Variants in SNTG1 observed in about 807,000 individuals in gnomAD.
SNTG1 encodes syntrophin gamma 1, also known as gamma-1-syntrophin.
In SNTG1, 39 loss-of-function variants were observed where a neutral mutation model predicts 74.7. The ratio of observed to expected loss-of-function variants is 0.52; its 90% CI spans 0.40 to 0.68. The LOEUF is 0.68. Among genes scored for constraint, SNTG1 ranks in the 30% least tolerant of loss-of-function variants. The pLI, the probability that SNTG1 is intolerant of heterozygous loss-of-function variation, is 0.00. For synonymous variants in SNTG1, 254 were observed against 217.1 expected (o/e 1.17, Z -1.49); for missense variants, 685 against 609.5 (o/e 1.12, Z -1.30).
intron 1 of SNTG1, among the ~76,000 whole-genome samples, chr8:50,077,666 T>A (rs1423071748): frequency 3.3e-5 from 5 of 152,284 alleles, no homozygotes. Context: ...TCATCAACCA[T>A]CATTAGAACT....
chr8:50,740,828 T>A (rs970280703), intron 17 of SNTG1, among the ~76,000 whole-genome samples: 1 of 151,976 alleles, frequency 6.6e-6, no homozygotes, highest in Admixed American at 6.6e-5. Flanking sequence ...AATGAGATCA[T>A]TTACATTGCA....
intron 8 of SNTG1, among the ~76,000 whole-genome samples, chr8:50,482,389 C>G (rs1478898041): frequency 6.6e-6 from 1 of 152,146 alleles, no homozygotes; most frequent in Non-Finnish European, 1.5e-5. Context: ...TCCCCGTCCC[C>G]GCCTACTTAC....
intron 8 of SNTG1, among the ~76,000 whole-genome samples, chr8:50,500,886 G>A (rs1186474786): frequency 6.6e-6 from 1 of 152,144 alleles, no homozygotes; most frequent in Non-Finnish European, 1.5e-5. Context: ...GAGGAGGTAG[G>A]ATAATGGGGA....
At chr8:50,598,034 C>T (rs577745627) in intron 13 of SNTG1, among the ~76,000 whole-genome samples, 19 of 150,648 alleles carry the variant, frequency 1.3e-4, no homozygotes, top group South Asian at 2.1e-4. Flanking sequence ...TTTGTTTGTT[C>T]GTTTGTTTGT....
chr8:50,689,093 T>A (rs1487914223), intron 15 of SNTG1, among the ~76,000 whole-genome samples: 2 of 145,130 alleles, frequency 1.4e-5, no homozygotes, highest in East Asian at 4.2e-4. Context: ...TTTGTGAACA[T>A]TGATTTTGTA....
intron 1 of SNTG1, among the ~76,000 whole-genome samples, chr8:50,024,762 G>A (rs989125868): frequency 1.3e-5 from 2 of 152,022 alleles, no homozygotes; most frequent in African/African-American, 2.4e-5. Flanking sequence ...TTATTGTACC[G>A]TACTCACCCT....
At position 50,536,918 on chromosome 8, in the gene SNTG1, A is replaced by G. The variant is rs2094312477; in HGVS notation, c.680+110A>G. On this transcript the variant is annotated intron_variant, in intron 11 of 18. Coordinates refer to ENST00000642720, the MANE Select transcript of SNTG1 (RefSeq NM_018967.5). Reference sequence around the variant, plus strand: ...CTTATGATTTTAGTATGTTTTTGATAGTAGAAAGAAGAGCTTCAAAATAAT... The same window carrying G: ...CTTATGATTTTAGTATGTTTTTGATGGTAGAAAGAAGAGCTTCAAAATAAT... 1.6e-5 allele frequency: 20 copies of G among 1,282,838 alleles called. No individual in the cohort carries two copies. The South Asian group carries it at 2.9e-4, about 19-fold the overall frequency. 79.5% of individuals were successfully genotyped at this position (1,282,838 alleles called of 1,614,324 possible).
At chr8:50,280,223 C>G (rs893207369) in intron 2 of SNTG1, among the ~76,000 whole-genome samples, 3 of 152,132 alleles carry the variant, frequency 2.0e-5, no homozygotes, top group African/African-American at 7.2e-5. Context: ...GGTGGATTAT[C>G]TCATAATTTG....
chr8:50,679,793 T>C (rs539870609), intron 15 of SNTG1, among the ~76,000 whole-genome samples: 1 of 152,282 alleles, frequency 6.6e-6, no homozygotes, highest in South Asian at 2.1e-4. Flanking sequence ...TCTCTGGTGG[T>C]GAGATGACAT....
At chr8:50,549,955 A>G (rs1483990527) in intron 11 of SNTG1, among the ~76,000 whole-genome samples, 2 of 152,160 alleles carry the variant, frequency 1.3e-5, no homozygotes, top group Non-Finnish European at 2.9e-5. Flanking sequence ...AACTTCAGCC[A>G]TATGTGAAAG....
At chr8:50,519,838 TAGAC>T (rs1156943816) in intron 9 of SNTG1, among the ~76,000 whole-genome samples, 1 of 152,110 alleles carries the variant, frequency 6.6e-6, no homozygotes, top group African/African-American at 2.4e-5. Context: ...TCCATGTTCA[TAGAC>T]AGGGAGAATC....
chr8:50,138,147 TGAGGA>T (rs2081536080), intron 1 of SNTG1, among the ~76,000 whole-genome samples: 1 of 152,078 alleles, frequency 6.6e-6, no homozygotes, highest in Admixed American at 6.6e-5. Flanking sequence ...GACATTAGTG[TGAGGA>T]CTTTAACAGT....
chr8:50,527,135 A>C (rs2094227494), intron 9 of SNTG1, among the ~76,000 whole-genome samples: 1 of 152,098 alleles, frequency 6.6e-6, no homozygotes, highest in African/African-American at 2.4e-5. Context: ...GGCCATGTGC[A>C]TATCTTCTTT....
chr8:50,651,441 AT>A (rs2095145388), intron 13 of SNTG1, among the ~76,000 whole-genome samples: 1 of 152,108 alleles, frequency 6.6e-6, no homozygotes, highest in South Asian at 2.1e-4. Flanking sequence ...AGTTCAAACT[AT>A]TTTTTAACTT....
intron 1 of SNTG1, among the ~76,000 whole-genome samples, chr8:49,968,551 T>C (rs532561407): frequency 5.9e-5 from 9 of 152,256 alleles, no homozygotes; most frequent in Admixed American, 2.0e-4. Flanking sequence ...CAAGAACTTG[T>C]AATAAAGTTT....
At chr8:50,359,433 C>A (rs1216879123) in intron 2 of SNTG1, among the ~76,000 whole-genome samples, 1 of 152,192 alleles carries the variant, frequency 6.6e-6, no homozygotes, top group African/African-American at 2.4e-5. Flanking sequence ...ATTTAAGTGT[C>A]CTGAATTTGC....
intron 2 of SNTG1, among the ~76,000 whole-genome samples, chr8:50,220,278 C>T (rs2084999343): frequency 6.6e-6 from 1 of 152,054 alleles, no homozygotes; most frequent in Admixed American, 6.6e-5. Context: ...AGATTTGAAC[C>T]ACACAAACTG....
At chr8:50,676,390 T>C (rs1176081140) in intron 15 of SNTG1, among the ~76,000 whole-genome samples, 1 of 151,984 alleles carries the variant, frequency 6.6e-6, no homozygotes, top group Non-Finnish European at 1.5e-5. Context: ...AACAATGATA[T>C]CCTTTCTTCC....
intron 2 of SNTG1, among the ~76,000 whole-genome samples, chr8:50,391,519 G>A (rs1261513150): frequency 2.0e-5 from 3 of 152,038 alleles, no homozygotes; most frequent in African/African-American, 7.3e-5. Context: ...CAGGAGTATT[G>A]GTCTAAAATT....
Sources: allele counts gnomAD v4.1 joint callset (sites outside exome capture counted in the v4.1 genomes callset), GRCh38; gene constraint gnomAD v4.1.1; transcripts MANE v1.5; gene names NCBI Gene and HGNC (gene_info 2026-07-23, HGNC 2026-07-21).